The following PLB1 variants were observed in gnomAD, a reference collection of about 807,000 sequenced individuals.
The protein encoded by PLB1 is phospholipase B1, membrane-associated.
In PLB1, 242 loss-of-function variants were observed where a neutral mutation model predicts 227.4. The ratio of observed to expected loss-of-function variants is 1.06; its 90% CI spans 0.96 to 1.18. PLB1 has a LOEUF of 1.18. PLB1 is among the 50% of genes most tolerant of loss of function. PLB1 has a pLI of 0.00. For synonymous variants in PLB1, 757 were observed against 682.2 expected, an observed-to-expected ratio of 1.11 and a Z score of -1.71; for missense variants, 1,858 against 1,816.3, an observed-to-expected ratio of 1.02 and a Z score of -0.42.
intron 33 of PLB1, among the ~76,000 whole-genome samples, chr2:28,597,258 C>T (rs140860513): frequency 0.049 from 6,617 of 136,192 alleles, 539 homozygotes; most frequent in African/African-American, 0.17. Flanking sequence ...AGCAAGACTC[C>T]GTCTCGAAAA....
Position 28,591,173 on chromosome 2 carries a change from T to A in PLB1, c.2127+2T>A. The A allele has an allele frequency of 6.2e-7, 1 of 1,614,180 alleles. No homozygotes were observed. ...AGGACCTACAAGAACAGCATGCAGG[T>A]ACCTGCCTCTTGCCTCCTCTTGACT... On this transcript the variant is annotated splice_donor_variant, in intron 30 of 57. Coordinates refer to ENST00000327757, the MANE Select transcript of PLB1 (RefSeq NM_153021.5). LOFTEE classifies it high-confidence loss of function.
chr2:28,601,452 C>T, intron 37 of PLB1, 120 bp downstream of exon 37: 1 of 728,120 alleles, frequency 1.4e-6, no homozygotes, highest in East Asian at 2.7e-5. Flanking sequence ...ACACCTATGT[C>T]TGCACATATA....
In PLB1 at chr2:28,632,616, G is replaced by A. The variant is rs901462879; in HGVS notation, c.4003-328G>A. ...AGCCTGGCCAACATGGTGAAACCCCGTTTCTACTAAAAATACAAAAAGTTA... is the reference window on the plus strand; with the variant it reads ...AGCCTGGCCAACATGGTGAAACCCCATTTCTACTAAAAATACAAAAAGTTA... On this transcript the variant is annotated intron_variant, in intron 55 of 57. Coordinates refer to ENST00000327757, the MANE Select transcript of PLB1 (RefSeq NM_153021.5). Among the ~76,000 whole-genome samples, 5 of 151,962 alleles carry A rather than the reference G, an allele frequency of 3.3e-5. No homozygotes were observed. In the East Asian group the frequency reaches 7.7e-4, roughly 23 times the overall value.
chr2:28,546,225 C>T (rs942498024), intron 14 of PLB1, among the ~76,000 whole-genome samples: 6 of 152,142 alleles, frequency 3.9e-5, no homozygotes, highest in Admixed American at 1.3e-4. Context: ...CTGCTGCTGC[C>T]GCAATAATTT....
chr2:28,566,082 C>G (rs1019279124), intron 19 of PLB1, among the ~76,000 whole-genome samples: 2 of 152,128 alleles, frequency 1.3e-5, no homozygotes, highest in African/African-American at 4.8e-5. Context: ...GCTGCAAGCC[C>G]GGGCAGGTTT....
chr2:28,628,493 C>T (rs539681706), intron 51 of PLB1, 70 bp from the exon 52 acceptor site: 16 of 1,419,972 alleles, frequency 1.1e-5, no homozygotes, highest in Non-Finnish European at 1.6e-5. Context: ...CCCCAGAGCC[C>T]TCCTATGCTC....
chr2:28,589,701 C>T lies in PLB1; in HGVS notation c.1947C>T (p.Phe649=), dbSNP rs373733745. 46 of 1,614,078 alleles carry T rather than the reference C, an allele frequency of 2.8e-5. No individual in the cohort carries two copies. The highest frequency in any genetic ancestry group is 1.9e-4 in the African/African-American group (14 of 75,042). ...AAGGATTGCCTGACAACTCTTTCTT[C>T]GCTCCTGACTGTTTCCACTTCAGCA... ...TSEGLPDNSF[F]APDCFHFSSK... is the part of the protein sequence containing the mutation. The change falls in exon 28 of 58, where the codon TTC becomes TTT. Residue 649 remains phenylalanine, a synonymous_variant. Coordinates refer to ENST00000327757, the MANE Select transcript of PLB1 (RefSeq NM_153021.5).
intron 21 of PLB1, among the ~76,000 whole-genome samples, chr2:28,576,834 C>T (rs1679038371): frequency 6.6e-6 from 1 of 152,114 alleles, no homozygotes. Context: ...GAAATCAAGC[C>T]TCAAAAAGGT....
At chr2:28,574,588 G>C (rs1248880201) in intron 21 of PLB1, among the ~76,000 whole-genome samples, 6 of 144,492 alleles carry the variant, frequency 4.2e-5, no homozygotes, top group African/African-American at 1.5e-4. Context: ...GTAGAGACAG[G>C]GTTTCACCAT....
intron 29 of PLB1, among the ~76,000 whole-genome samples, chr2:28,590,887 C>T (rs564296545): frequency 6.6e-6 from 1 of 152,058 alleles, no homozygotes; most frequent in Non-Finnish European, 1.5e-5. Context: ...GCCAGCCACG[C>T]GGGAGGTGGA....
At chr2:28,611,226 C>T (rs1159977843) in intron 43 of PLB1, among the ~76,000 whole-genome samples, 2 of 152,170 alleles carry the variant, frequency 1.3e-5, no homozygotes, top group African/African-American at 2.4e-5. Context: ...TCTCCTTGAC[C>T]TCTAGCCCTC....
chr2:28,519,498 G>A (rs1669233806), intron 3 of PLB1, among the ~76,000 whole-genome samples: 1 of 152,230 alleles, frequency 6.6e-6, no homozygotes, highest in African/African-American at 2.4e-5. Context: ...GTGGCTCCCA[G>A]AGGGGAGCGG....
intron 40 of PLB1, 62 bp from the exon 41 acceptor site, chr2:28,604,593 G>A: frequency 2.9e-6 from 4 of 1,392,512 alleles, no homozygotes; most frequent in Non-Finnish European, 4.0e-6. Flanking sequence ...CCCTACTCTT[G>A]CCTCACTGGG....
intron 54 of PLB1, 55 bp downstream of exon 54, chr2:28,630,719 A>G: frequency 1.4e-6 from 2 of 1,429,536 alleles, no homozygotes; most frequent in South Asian, 1.2e-5. Flanking sequence ...CCTGTACTCC[A>G]AGGACTGGGA....
At chr2:28,598,531 C>T in intron 34 of PLB1, 121 bp from the exon 35 acceptor site, 1 of 750,702 alleles carries the variant, frequency 1.3e-6, no homozygotes, top group Non-Finnish European at 2.3e-6. Flanking sequence ...CCCTGCCTCT[C>T]CCCAGGAAGC....
chr2:28,583,242 G>A (rs10168311), intron 25 of PLB1, among the ~76,000 whole-genome samples: 59,953 of 151,320 alleles, frequency 0.4, 12,601 homozygotes, highest in African/African-American at 0.54. Context: ...CTGGAGTGCA[G>A]TGGCATGATC....
At position 28,587,471 on chromosome 2, in the gene PLB1, G is replaced by A. The variant is rs141160942; in HGVS notation, c.1815+1629G>A. On this transcript the variant is annotated intron_variant, in intron 26 of 57. Coordinates refer to ENST00000327757, the MANE Select transcript of PLB1 (RefSeq NM_153021.5). ...CAAAAAATACCAAAATTAGTCGGACGTGGTGGCACATGCCTGTAGCCTCAG... is the reference window on the plus strand; with the variant it reads ...CAAAAAATACCAAAATTAGTCGGACATGGTGGCACATGCCTGTAGCCTCAG... Among the ~76,000 whole-genome samples, 352 of 152,280 alleles carry A rather than the reference G, an allele frequency of 2.3e-3. 2 individuals carry two copies. Among genetic ancestry groups the A allele is most frequent in the African/African-American group, 7.4e-3 (309 of 41,554 alleles).
intron 43 of PLB1, among the ~76,000 whole-genome samples, chr2:28,606,949 G>C: frequency 6.6e-6 from 1 of 152,182 alleles, no homozygotes; most frequent in East Asian, 1.9e-4. Context: ...GCCCAGGCAG[G>C]AGCCAGGCAG....
At chr2:28,551,702 G>A (rs775681282) in intron 16 of PLB1, among the ~76,000 whole-genome samples, 1 of 152,190 alleles carries the variant, frequency 6.6e-6, no homozygotes, top group African/African-American at 2.4e-5. Flanking sequence ...TAACCTCTCT[G>A]TGCCTTAGTT....
Sources: allele counts gnomAD v4.1 joint callset (sites outside exome capture counted in the v4.1 genomes callset), GRCh38; gene constraint gnomAD v4.1.1; transcripts MANE v1.5; gene names NCBI Gene and HGNC (gene_info 2026-07-23, HGNC 2026-07-21).